The following KIF26B variants were observed in gnomAD, a reference collection of about 807,000 sequenced individuals.
The protein encoded by KIF26B is kinesin-like protein KIF26B.
KIF26B carries 63 observed loss-of-function variants against 151.2 expected under a neutral mutation model. The observed-to-expected ratio is 0.42, with a 90% confidence interval of 0.34 to 0.51. The LOEUF (loss-of-function observed/expected upper bound fraction) is 0.51. KIF26B is among the 20% of genes least tolerant of loss of function. The probability of loss-of-function intolerance (pLI) is 0.07; values close to 1 mark genes in which losing one functional copy is unlikely to be tolerated. For missense variants in KIF26B, 2,813 were observed against 2,913.6 expected, an observed-to-expected ratio of 0.97 and a Z score of 0.79; for synonymous variants, 1,357 against 1,262.1, an observed-to-expected ratio of 1.08 and a Z score of -1.59.
At chr1:245,548,979 T>G (rs1413836481) in intron 5 of KIF26B, among the ~76,000 whole-genome samples, 1 of 152,156 alleles carries the variant, frequency 6.6e-6, no homozygotes, top group African/African-American at 2.4e-5. Flanking sequence ...TGACGTCAGG[T>G]GATCCACCCG....
chr1:245,486,953 A>C (rs1482434572), intron 4 of KIF26B, among the ~76,000 whole-genome samples: 1 of 152,182 alleles, frequency 6.6e-6, no homozygotes, highest in African/African-American at 2.4e-5. Context: ...ACTTTTGCAG[A>C]GCTTCCTTCC....
rs1455537047 is a variant in KIF26B, at chr1:245,673,144, C to T, written c.2259-11089C>T. On this transcript the variant is annotated intron_variant, in intron 10 of 14. Transcript: ENST00000407071. ...GCGCTGCCATCTTAGGCCCAGTCCCCGCTGCGCGCTGCCATATTAGGCCCA... is the reference window on the plus strand; with the variant it reads ...GCGCTGCCATCTTAGGCCCAGTCCCTGCTGCGCGCTGCCATATTAGGCCCA... 1.1e-3 allele frequency among the ~76,000 whole-genome samples: 114 copies of T among 103,812 alleles called. 2 individuals are homozygous for T. Among genetic ancestry groups the T allele is most frequent in the African/African-American group, 3.5e-3 (80 of 22,604 alleles). 68.1% of individuals were successfully genotyped at this position (103,812 alleles called of 152,430 possible). A position where few individuals can be genotyped will look rare whatever the true frequency, so the allele number is the denominator to read the frequency against.
chr1:245,488,834 A>G lies in KIF26B; in HGVS notation c.1167-51933A>G, dbSNP rs1052840407. 2.6e-5 allele frequency among the ~76,000 whole-genome samples: 4 copies of G among 152,220 alleles called. No homozygotes were observed. The highest frequency in any genetic ancestry group is 7.2e-5 in the African/African-American group (3 of 41,470). On this transcript the variant is annotated intron_variant, in intron 4 of 14. Coordinates refer to ENST00000407071, the MANE Select transcript of KIF26B (RefSeq NM_018012.4). This position sits in a 1 kb window ranked among gnomAD's most constrained non-coding sequence, Gnocchi z 4.6. Reference sequence around the variant, plus strand: ...GGTTAATTTTGTGAGTGAGTCCTTAATAACAGAGGGACCAAGACTCGATTC... The same window carrying G: ...GGTTAATTTTGTGAGTGAGTCCTTAGTAACAGAGGGACCAAGACTCGATTC...
chr1:245,658,984 C>A (rs760178934), intron 10 of KIF26B, among the ~76,000 whole-genome samples: 1 of 152,112 alleles, frequency 6.6e-6, no homozygotes, highest in Non-Finnish European at 1.5e-5. Flanking sequence ...GTAATCCCAG[C>A]ACTTCAGGAA....
At position 245,228,515 on chromosome 1, in the gene KIF26B, G is replaced by A. The variant is rs1450647288; in HGVS notation, c.465+71832G>A. On this transcript the variant is annotated intron_variant, in intron 2 of 14. Transcript: ENST00000407071. ...TGGGAGGTGGAGGTTGCAGTGAGCCGAGATTGCACCACCACACTCCACCCT... is the reference window on the plus strand; with the variant it reads ...TGGGAGGTGGAGGTTGCAGTGAGCCAAGATTGCACCACCACACTCCACCCT... Among the ~76,000 whole-genome samples the A allele has an allele frequency of 7.3e-5, 11 of 150,440 alleles. No individual in the cohort carries two copies. The East Asian group carries it at 1.8e-3, about 24-fold the overall frequency.
intron 4 of KIF26B, among the ~76,000 whole-genome samples, chr1:245,482,407 A>G (rs145600613): frequency 1.3e-5 from 2 of 152,004 alleles, no homozygotes; most frequent in Non-Finnish European, 2.9e-5. Context: ...ATTTTTAAGT[A>G]AGACCTTCCA....
At chr1:245,683,318 GC>G (rs35539120) in intron 10 of KIF26B, among the ~76,000 whole-genome samples, 29,984 of 152,102 alleles carry the variant, frequency 0.2, 3,167 homozygotes, top group Non-Finnish European at 0.22. Flanking sequence ...GGCTTCCTCA[GC>G]CCTTCAGGAT....
chr1:245,570,802 T>C (rs1043187969), intron 5 of KIF26B, among the ~76,000 whole-genome samples: 1 of 152,228 alleles, frequency 6.6e-6, no homozygotes, highest in Admixed American at 6.5e-5. Flanking sequence ...AGTCAGCTGA[T>C]GCTCAAACTG....
At chr1:245,331,046 C>T (rs1367107446) in intron 2 of KIF26B, among the ~76,000 whole-genome samples, 5 of 151,932 alleles carry the variant, frequency 3.3e-5, no homozygotes, top group Admixed American at 1.3e-4. Flanking sequence ...GATCCTGAGA[C>T]GCTGATGTCC....
intron 2 of KIF26B, among the ~76,000 whole-genome samples, chr1:245,348,169 A>G (rs1270072303): frequency 1.3e-5 from 2 of 152,072 alleles, no homozygotes; most frequent in African/African-American, 2.4e-5. Context: ...TTCCTTCTCA[A>G]TACCTTGTGC....
At chr1:245,391,454 C>T (rs1673697014) in intron 3 of KIF26B, among the ~76,000 whole-genome samples, 1 of 152,086 alleles carries the variant, frequency 6.6e-6, no homozygotes. Flanking sequence ...AACCACATAT[C>T]CAGACATAAG....
intron 3 of KIF26B, among the ~76,000 whole-genome samples, chr1:245,408,022 G>A (rs1189261107): frequency 1.3e-5 from 2 of 152,180 alleles, no homozygotes; most frequent in African/African-American, 4.8e-5. Flanking sequence ...GACTATTTGG[G>A]AGTGAGAAAC....
chr1:245,163,368 C>T (rs532694480), intron 2 of KIF26B, among the ~76,000 whole-genome samples: 2 of 152,284 alleles, frequency 1.3e-5, no homozygotes, highest in African/African-American at 4.8e-5. Context: ...TCTTGAACTC[C>T]TGACCTCAAG....
intron 4 of KIF26B, among the ~76,000 whole-genome samples, chr1:245,431,813 T>TA (rs1658788952): frequency 6.6e-6 from 1 of 152,194 alleles, no homozygotes; most frequent in Non-Finnish European, 1.5e-5. Context: ...TTTTGTTAGT[T>TA]ACTAAAATAT....
At chr1:245,505,616 C>T (rs1467152075) in intron 4 of KIF26B, among the ~76,000 whole-genome samples, 1 of 152,092 alleles carries the variant, frequency 6.6e-6, no homozygotes, top group African/African-American at 2.4e-5. Context: ...AACTCCTGAC[C>T]TCAGGTGATC....
chr1:245,473,858 C>A (rs928634176), intron 4 of KIF26B, among the ~76,000 whole-genome samples: 1 of 151,872 alleles, frequency 6.6e-6, no homozygotes, highest in African/African-American at 2.4e-5. Flanking sequence ...GGCTCCTCCT[C>A]AGTGCAGCTC....
At position 245,244,756 on chromosome 1, in the gene KIF26B, T is replaced by TCACACACACACACA. The variant is rs55638619; in HGVS notation, c.465+88096_465+88109dup. Among the ~76,000 whole-genome samples the TCACACACACACACA allele has an allele frequency of 7.6e-3, 1,092 of 144,452 alleles. 10 individuals carry two copies. The highest frequency in any genetic ancestry group is 0.011 in the Non-Finnish European group (735 of 66,322). The allele number at this position is 144,452 out of a possible 152,430, so 94.8% of individuals were successfully genotyped here. On this transcript the variant is annotated intron_variant, in intron 2 of 14. Coordinates refer to ENST00000407071, the MANE Select transcript of KIF26B (RefSeq NM_018012.4). The surrounding 1 kb of genome is among the most constrained non-coding windows in gnomAD (Gnocchi z 4.2). Reference sequence around the variant, plus strand: ...AGAAGGAACACACAGACACGCACACTCACACACACACACACACACACACAC... The same window carrying TCACACACACACACA: ...AGAAGGAACACACAGACACGCACACTCACACACACACACACACACACACACACACACACACACAC...
At chr1:245,199,679 C>T (rs1669263872) in intron 2 of KIF26B, among the ~76,000 whole-genome samples, 1 of 152,088 alleles carries the variant, frequency 6.6e-6, no homozygotes, top group Non-Finnish European at 1.5e-5. Context: ...GATGGGGTTT[C>T]ACCATGTTGG....
chr1:245,185,461 G>A lies in KIF26B; in HGVS notation c.465+28778G>A, dbSNP rs543976412. Among the ~76,000 whole-genome samples, 19 of 152,264 alleles carry A rather than the reference G, an allele frequency of 1.2e-4. No individual in the cohort carries two copies. The South Asian group carries it at 3.5e-3, about 28-fold the overall frequency. ...AAGGGAGGGGGGTCTGGATAAAATC[G>A]AAAGGTACAAGTTGTGTTGGGACTA... On this transcript the variant is annotated intron_variant, in intron 2 of 14. Coordinates refer to ENST00000407071, the MANE Select transcript of KIF26B (RefSeq NM_018012.4).
Sources: allele counts gnomAD v4.1 joint callset (sites outside exome capture counted in the v4.1 genomes callset), GRCh38; gene constraint gnomAD v4.1.1; non-coding constraint Gnocchi (gnomAD v3.1); transcripts MANE v1.5; gene names NCBI Gene and HGNC (gene_info 2026-07-23, HGNC 2026-07-21).